Variants in CNTN5 observed in about 807,000 individuals in gnomAD.
CNTN5 encodes contactin 5, also known as contactin-5.
Under a neutral mutation model 129.1 loss-of-function variants are expected in CNTN5, and 77 were observed. The observed-to-expected ratio is 0.60, with a 90% CI of 0.50 to 0.72. The LOEUF (loss-of-function observed/expected upper bound fraction) is 0.72, where lower values mean the gene tolerates loss of function less well. CNTN5 is among the 30% of genes least tolerant of loss of function. CNTN5 has a pLI of 0.00. For missense variants in CNTN5, 1,478 were observed against 1,328.8 expected (o/e 1.11, Z -1.75); for synonymous variants, 509 against 465.6 (o/e 1.09, Z -1.20).
intron 21 of CNTN5, among the ~76,000 whole-genome samples, chr11:100,323,343 T>G (rs1951729063): frequency 6.6e-6 from 1 of 152,244 alleles, no homozygotes; most frequent in South Asian, 2.1e-4. Context: ...TAACTTCCTT[T>G]GCTACTCCAA....
In CNTN5 at chr11:99,859,728, ATTTC is replaced by A. The variant is rs140022338; in HGVS notation, c.577+14470_577+14473del. ...GTATTCCATAGTATATGTGTACCAT[ATTTC>A]TTTATCCACTCCACTGTTGATGGGC... On this transcript the variant is annotated intron_variant, in intron 6 of 24. Transcript: ENST00000524871. Among the ~76,000 whole-genome samples, 17 of 152,150 alleles carry A rather than the reference ATTTC, an allele frequency of 1.1e-4. No individual in the cohort carries two copies. The East Asian group carries it at 3.3e-3, about 29-fold the overall frequency.
intron 21 of CNTN5, among the ~76,000 whole-genome samples, chr11:100,326,259 T>A (rs2138974303): frequency 6.6e-6 from 1 of 152,206 alleles, no homozygotes; most frequent in East Asian, 1.9e-4. Context: ...ATTTGGCTCA[T>A]ACATAATAGG....
chr11:100,238,705 A>T (rs555667495), intron 16 of CNTN5, among the ~76,000 whole-genome samples: 1 of 152,348 alleles, frequency 6.6e-6, no homozygotes, highest in African/African-American at 2.4e-5. Context: ...TGATATTCTC[A>T]AATCTAGGAA....
chr11:99,618,820 A>C (rs2135753925), intron 3 of CNTN5, among the ~76,000 whole-genome samples: 1 of 152,306 alleles, frequency 6.6e-6, no homozygotes, highest in African/African-American at 2.4e-5. Context: ...GTACCAAAAT[A>C]TCTCATTTAC....
intron 15 of CNTN5, among the ~76,000 whole-genome samples, chr11:100,207,600 C>A (rs1056289432): frequency 1.3e-5 from 2 of 152,016 alleles, no homozygotes; most frequent in Non-Finnish European, 2.9e-5. Context: ...ATTATATTTA[C>A]AAAATTTGTT....
intron 1 of CNTN5, among the ~76,000 whole-genome samples, chr11:99,086,106 C>A (rs959162899): frequency 6.6e-6 from 1 of 152,170 alleles, no homozygotes; most frequent in Non-Finnish European, 1.5e-5. Context: ...ATACTTTGCA[C>A]ATTTTTATTT....
At chr11:99,961,296 C>T (rs749300513) in intron 8 of CNTN5, among the ~76,000 whole-genome samples, 17 of 149,744 alleles carry the variant, frequency 1.1e-4, no homozygotes, top group Middle Eastern at 3.5e-3. Flanking sequence ...TGTAGTTAAA[C>T]ATGGTGGACT....
At chr11:100,122,525 C>T (rs1946059255) in intron 13 of CNTN5, among the ~76,000 whole-genome samples, 1 of 151,912 alleles carries the variant, frequency 6.6e-6, no homozygotes, top group Non-Finnish European at 1.5e-5. Flanking sequence ...AAGATGACAC[C>T]TAAAATTAAC....
intron 3 of CNTN5, among the ~76,000 whole-genome samples, chr11:99,606,672 A>G (rs9704832): frequency 0.97 from 125,467 of 129,332 alleles, 61,322 homozygotes; most frequent in East Asian, 1. Flanking sequence ...AAAGCTGGAG[A>G]CATCACACTA....
chr11:99,870,298 A>G (rs1948469251), intron 6 of CNTN5, among the ~76,000 whole-genome samples: 1 of 152,056 alleles, frequency 6.6e-6, no homozygotes, highest in Non-Finnish European at 1.5e-5. Context: ...TCCAAGGAAA[A>G]AACAATGGTT....
At chr11:100,047,872 C>G (rs1162960160) in intron 9 of CNTN5, among the ~76,000 whole-genome samples, 2 of 152,058 alleles carry the variant, frequency 1.3e-5, no homozygotes, top group Admixed American at 1.3e-4. Context: ...GTGGTTCACG[C>G]TGTAATCCCA....
At chr11:99,819,236 C>G (rs1946691365) in intron 3 of CNTN5, among the ~76,000 whole-genome samples, 1 of 144,886 alleles carries the variant, frequency 6.9e-6, no homozygotes, top group African/African-American at 2.6e-5. Context: ...TTACCTCTCT[C>G]TCTCTACTTG....
At chr11:99,104,260 T>C (rs972094850) in intron 1 of CNTN5, among the ~76,000 whole-genome samples, 3 of 152,140 alleles carry the variant, frequency 2.0e-5, no homozygotes, top group African/African-American at 7.2e-5. Flanking sequence ...CCTGGATGTC[T>C]CAACTGTAGC....
intron 13 of CNTN5, among the ~76,000 whole-genome samples, chr11:100,087,216 ATAAT>A (rs143466031): frequency 1.4e-3 from 211 of 151,928 alleles, no homozygotes; most frequent in African/African-American, 4.9e-3. Flanking sequence ...AACATGATAA[ATAAT>A]TAAATGACAA....
intron 18 of CNTN5, among the ~76,000 whole-genome samples, chr11:100,280,739 T>G (rs973306465): frequency 1.3e-5 from 2 of 152,216 alleles, no homozygotes; most frequent in Admixed American, 1.3e-4. Context: ...TTTCTGGTTG[T>G]TTTGTGGTCT....
At chr11:99,957,537 A>G (rs1430263902) in intron 8 of CNTN5, among the ~76,000 whole-genome samples, 1 of 152,166 alleles carries the variant, frequency 6.6e-6, no homozygotes, top group Non-Finnish European at 1.5e-5. Context: ...TAGTATTGCC[A>G]TCTATCCAAA....
intron 13 of CNTN5, among the ~76,000 whole-genome samples, chr11:100,078,805 A>ATGG (rs916419137): frequency 1.3e-5 from 2 of 152,072 alleles, no homozygotes; most frequent in East Asian, 1.9e-4. Context: ...GACGATGATG[A>ATGG]TGGTGGTGGT....
intron 3 of CNTN5, among the ~76,000 whole-genome samples, chr11:99,595,691 G>A (rs994373678): frequency 2.0e-5 from 3 of 151,860 alleles, no homozygotes; most frequent in Admixed American, 2.0e-4. Context: ...ACAATACAGA[G>A]GCTTTGTCCT....
chr11:99,482,166 A>G (rs1339204643), intron 2 of CNTN5, among the ~76,000 whole-genome samples: 1 of 152,180 alleles, frequency 6.6e-6, no homozygotes, highest in Non-Finnish European at 1.5e-5. Context: ...TTAGTACGCT[A>G]TACCTTTCCC....
Sources: gnomAD v4.1 joint callset for allele counts (sites outside exome capture counted in the v4.1 genomes callset) on GRCh38, gnomAD v4.1.1 for gene constraint, MANE v1.5 for transcripts, NCBI Gene and HGNC (gene_info 2026-07-23, HGNC 2026-07-21) for gene names.